Variants in TRAPPC9 observed in about 807,000 individuals in gnomAD.
The protein encoded by TRAPPC9 is trafficking protein particle complex subunit 9, also known as IKK2 binding protein.
A neutral mutation model predicts 124.0 loss-of-function variants in TRAPPC9; 83 were observed. That is an observed-to-expected ratio of 0.67 (90% CI 0.56 to 0.80). TRAPPC9 has a LOEUF of 0.80. Ranked by LOEUF, TRAPPC9 falls within the 30% of genes least tolerant of loss-of-function variation. TRAPPC9 has a pLI of 0.00. For synonymous variants in TRAPPC9, 638 were observed against 617.5 expected (o/e 1.03, Z -0.49); for missense variants, 1,302 against 1,508.3 (o/e 0.86, Z 2.27).
intron 17 of TRAPPC9, among the ~76,000 whole-genome samples, chr8:140,088,807 C>A (rs998728861): frequency 3.9e-5 from 6 of 152,058 alleles, no homozygotes; most frequent in African/African-American, 1.4e-4. Context: ...TTATTTTTTT[C>A]TCTGATATGC....
chr8:140,170,600 G>A (rs1003582765), intron 17 of TRAPPC9, among the ~76,000 whole-genome samples: 4 of 152,176 alleles, frequency 2.6e-5, no homozygotes, highest in Admixed American at 6.5e-5. Context: ...AACAGAATGA[G>A]CTACAGAGAC....
chr8:139,956,747 G>C lies in TRAPPC9; in HGVS notation c.2810+31979C>G, dbSNP rs890616587. Among the ~76,000 whole-genome samples, 4 of 152,190 alleles carry C rather than the reference G, an allele frequency of 2.6e-5. No individual in the cohort carries two copies. The South Asian group carries it at 8.3e-4, about 32-fold the overall frequency. On this transcript the variant is annotated intron_variant, in intron 19 of 22. Coordinates refer to ENST00000438773, the MANE Select transcript of TRAPPC9 (RefSeq NM_001160372.4). ...TTCCATCCCGGCTCCGCGTAGACTC[G>C]TTGTGCCACCCCGGGCAGGTCCTAT... is the stretch of plus-strand genomic sequence containing the variant.
Position 139,785,829 on chromosome 8 carries a change from T to C in TRAPPC9, c.3056-53627A>G, listed in dbSNP as rs1822196375. Among the ~76,000 whole-genome samples the C allele has an allele frequency of 2.6e-5, 4 of 152,260 alleles. No individual in the cohort carries two copies. The South Asian group carries it at 8.3e-4, about 32-fold the overall frequency. ...AGAGAATGAAAAGACAAGTTACAGA[T>C]AGGGAATATGTACTTGCAAATCATC... On this transcript the variant is annotated intron_variant, in intron 21 of 22. Transcript: ENST00000438773.
intron 9 of TRAPPC9, among the ~76,000 whole-genome samples, chr8:140,345,055 C>A (rs1042719532): frequency 3.3e-5 from 5 of 152,198 alleles, no homozygotes; most frequent in Admixed American, 2.0e-4. Context: ...GAGAGGGAAG[C>A]GAAGGCAGGG....
intron 21 of TRAPPC9, among the ~76,000 whole-genome samples, chr8:139,872,190 G>A (rs1413715860): frequency 1.3e-5 from 2 of 151,056 alleles, no homozygotes; most frequent in African/African-American, 4.9e-5. Context: ...GCTGGTAGAC[G>A]GGTTGGTGAG....
chr8:139,869,680 A>C (rs1244225629), intron 21 of TRAPPC9, among the ~76,000 whole-genome samples: 2 of 152,262 alleles, frequency 1.3e-5, no homozygotes, highest in African/African-American at 4.8e-5. Flanking sequence ...CTTAGCACAA[A>C]GAAAACTTGG....
chr8:140,354,468 T>C (rs767443210), intron 9 of TRAPPC9, among the ~76,000 whole-genome samples: 3 of 152,204 alleles, frequency 2.0e-5, no homozygotes, highest in Non-Finnish European at 2.9e-5. Context: ...AGCCTTTCCA[T>C]GTAAATACTT....
chr8:140,295,286 A>G (rs534060298), intron 11 of TRAPPC9, among the ~76,000 whole-genome samples: 42 of 152,358 alleles, frequency 2.8e-4, no homozygotes, highest in African/African-American at 8.7e-4. Context: ...TAGAAACATT[A>G]TCTCCCTTGA....
chr8:140,009,158 A>G (rs1246712462), intron 18 of TRAPPC9, among the ~76,000 whole-genome samples: 1 of 152,208 alleles, frequency 6.6e-6, no homozygotes, highest in Non-Finnish European at 1.5e-5. Context: ...CATGAAAAAA[A>G]AGGAAAGTCT....
chr8:139,996,080 T>G (rs1219197915), intron 18 of TRAPPC9, among the ~76,000 whole-genome samples: 3 of 131,358 alleles, frequency 2.3e-5, no homozygotes, highest in Non-Finnish European at 4.7e-5. Flanking sequence ...TTCCAAGAAC[T>G]GACCATACTT....
chr8:140,018,748 C>A (rs923372527), intron 18 of TRAPPC9, among the ~76,000 whole-genome samples: 1 of 152,056 alleles, frequency 6.6e-6, no homozygotes, highest in Non-Finnish European at 1.5e-5. Flanking sequence ...ATCATATGTA[C>A]CATACAAAGA....
intron 5 of TRAPPC9, 30 bp downstream of exon 5, chr8:140,426,585 C>G (rs1564016475): frequency 1.2e-6 from 2 of 1,610,318 alleles, no homozygotes; most frequent in African/African-American, 2.7e-5. Flanking sequence ...AAAAAATAAC[C>G]AAAAGAAACT....
chr8:140,286,286 G>A (rs12542930), intron 13 of TRAPPC9, among the ~76,000 whole-genome samples: 79,187 of 152,034 alleles, frequency 0.52, 21,063 homozygotes, highest in East Asian at 0.64. Context: ...AGCAGGAGCC[G>A]GACCACACTG....
intron 11 of TRAPPC9, among the ~76,000 whole-genome samples, chr8:140,297,149 G>A (rs183653797): frequency 2.6e-4 from 39 of 149,936 alleles, no homozygotes; most frequent in Admixed American, 2.4e-3. Context: ...ATCTGGGGCT[G>A]CCATCAGGCC....
At chr8:140,194,872 G>T (rs1184546608) in intron 17 of TRAPPC9, among the ~76,000 whole-genome samples, 1 of 151,688 alleles carries the variant, frequency 6.6e-6, no homozygotes, top group South Asian at 2.1e-4. Context: ...CCACCATACA[G>T]ATCGCACCTG....
At chr8:139,734,737 G>C (rs538382091) in intron 21 of TRAPPC9, among the ~76,000 whole-genome samples, 1 of 152,376 alleles carries the variant, frequency 6.6e-6, no homozygotes, top group South Asian at 2.1e-4. Context: ...AGTGGGAGAA[G>C]GAACGCTCAG....
rs112042020 is a variant in TRAPPC9 at position 139,826,185 on chromosome 8, G to A, written c.3055+59694C>T. 7.5e-3 allele frequency among the ~76,000 whole-genome samples: 1,145 copies of A among 152,348 alleles called. 15 individuals carry two copies. Among genetic ancestry groups the A allele is most frequent in the African/African-American group, 0.026 (1,070 of 41,576 alleles). ...GGGCAGGCTGTGAGAGGGGAGTGGA[G>A]GGAGAGGCTAAAAGCCAGACTCTGG... is the stretch of plus-strand genomic sequence containing the variant. On this transcript the variant is annotated intron_variant, in intron 21 of 22. Coordinates refer to ENST00000438773, the MANE Select transcript of TRAPPC9 (RefSeq NM_001160372.4).
chr8:140,342,856 TA>T (rs2067233713), intron 9 of TRAPPC9, among the ~76,000 whole-genome samples: 1 of 152,212 alleles, frequency 6.6e-6, no homozygotes, highest in South Asian at 2.1e-4. Context: ...TGCTCTGCTA[TA>T]TGAAGCTAAG....
intron 8 of TRAPPC9, among the ~76,000 whole-genome samples, chr8:140,368,414 G>T (rs1436910634): frequency 3.9e-5 from 6 of 152,152 alleles, no homozygotes; most frequent in Non-Finnish European, 7.3e-5. Context: ...GCCCAGAGTG[G>T]TCATCAGCGC....
Sources: allele counts gnomAD v4.1 joint callset (sites outside exome capture counted in the v4.1 genomes callset), GRCh38; gene constraint gnomAD v4.1.1; transcripts MANE v1.5; gene names NCBI Gene and HGNC (gene_info 2026-07-23, HGNC 2026-07-21).